PRKN: variants seen among roughly 807,000 people sequenced by gnomAD.
PRKN encodes the protein parkin RBR E3 ubiquitin protein ligase, also known as E3 ubiquitin-protein ligase parkin.
In PRKN, 56 loss-of-function variants were observed where a neutral mutation model predicts 59.5. The observed-to-expected ratio is 0.94, with a 90% CI of 0.76 to 1.18. The LOEUF (loss-of-function observed/expected upper bound fraction) is 1.18, where lower values mean the gene tolerates loss of function less well. PRKN is among the 50% of genes most tolerant of loss of function. The probability of loss-of-function intolerance (pLI) is 0.00; values close to 1 mark genes in which losing one functional copy is unlikely to be tolerated. For synonymous variants in PRKN, 250 were observed against 222.1 expected, an observed-to-expected ratio of 1.13 and a Z score of -1.12; for missense variants, 657 against 596.4, an observed-to-expected ratio of 1.10 and a Z score of -1.06.
intron 7 of PRKN, among the ~76,000 whole-genome samples, chr6:161,743,468 C>G (rs1408431042): frequency 1.3e-5 from 2 of 151,628 alleles, no homozygotes; most frequent in East Asian, 3.9e-4. Flanking sequence ...CCAGAATGGT[C>G]TCGATCTCCT....
At chr6:161,746,363 A>G (rs973267393) in intron 7 of PRKN, among the ~76,000 whole-genome samples, 1 of 151,984 alleles carries the variant, frequency 6.6e-6, no homozygotes, top group Non-Finnish European at 1.5e-5. Context: ...CCTGGGCTAA[A>G]GAGGCAAACT....
chr6:162,533,207 T>C (rs1267778985), intron 1 of PRKN, among the ~76,000 whole-genome samples: 1 of 152,218 alleles, frequency 6.6e-6, no homozygotes, highest in Admixed American at 6.5e-5. Context: ...GCTATTGTTC[T>C]CTGGGTGAAT....
At chr6:162,491,201 T>C (rs774528676) in intron 1 of PRKN, among the ~76,000 whole-genome samples, 2 of 142,118 alleles carry the variant, frequency 1.4e-5, no homozygotes, top group Non-Finnish European at 3.0e-5. Context: ...ACCCAGGAGA[T>C]GGAGGCTGCA....
At chr6:161,937,857 C>A (rs962912474) in intron 6 of PRKN, among the ~76,000 whole-genome samples, 6 of 152,154 alleles carry the variant, frequency 3.9e-5, no homozygotes, top group African/African-American at 1.2e-4. Flanking sequence ...GTACAAGAAT[C>A]TAGTAGACTC....
At chr6:162,132,008 GA>G (rs1479700261) in intron 4 of PRKN, among the ~76,000 whole-genome samples, 1 of 152,194 alleles carries the variant, frequency 6.6e-6, no homozygotes, top group Non-Finnish European at 1.5e-5. Context: ...ATCACTTACA[GA>G]TAACATGCCA....
At chr6:162,176,027 C>T (rs1490155729) in intron 4 of PRKN, among the ~76,000 whole-genome samples, 1 of 152,150 alleles carries the variant, frequency 6.6e-6, no homozygotes, top group Non-Finnish European at 1.5e-5. Context: ...TAGAAAAGAT[C>T]CTCTGGCAAT....
At position 161,457,787 on chromosome 6, in the gene PRKN, T is replaced by A. The variant is rs1490749422; in HGVS notation, c.1084-70910A>T. Among the ~76,000 whole-genome samples the A allele has an allele frequency of 5.3e-5, 8 of 152,236 alleles. No individual in the cohort carries two copies. The highest frequency in any genetic ancestry group is 1.0e-4 in the Non-Finnish European group (7 of 68,026). Reference sequence around the variant, plus strand: ...TCCTGTGTGTGTGTTACCACACTCTTAATATGAAAACATGTGTGATAAGAA... The same window carrying A: ...TCCTGTGTGTGTGTTACCACACTCTAAATATGAAAACATGTGTGATAAGAA... On this transcript the variant is annotated intron_variant, in intron 9 of 11. Transcript: ENST00000366898. The surrounding 1 kb of genome is among the most constrained non-coding windows in gnomAD (Gnocchi z 5.0).
At chr6:162,469,084 T>C (rs1186128434) in intron 1 of PRKN, among the ~76,000 whole-genome samples, 1 of 152,094 alleles carries the variant, frequency 6.6e-6, no homozygotes, top group African/African-American at 2.4e-5. Flanking sequence ...GGGATTTTAA[T>C]TTACAGTACT....
At chr6:162,557,267 C>T (rs1779646407) in intron 1 of PRKN, among the ~76,000 whole-genome samples, 2 of 152,186 alleles carry the variant, frequency 1.3e-5, no homozygotes, top group Admixed American at 1.3e-4. Context: ...TAATACACCA[C>T]CCCACAGTCA....
intron 5 of PRKN, among the ~76,000 whole-genome samples, chr6:161,996,455 T>C (rs1781847568): frequency 6.6e-6 from 1 of 152,038 alleles, no homozygotes; most frequent in Admixed American, 6.6e-5. Context: ...TTTTGGCTGA[T>C]TTGCCAAAAT....
intron 7 of PRKN, among the ~76,000 whole-genome samples, chr6:161,722,231 C>T (rs528478054): frequency 6.8e-5 from 10 of 147,798 alleles, no homozygotes; most frequent in Non-Finnish European, 1.5e-4. Context: ...AGCACAAATC[C>T]CCATAATGCC....
intron 1 of PRKN, among the ~76,000 whole-genome samples, chr6:162,484,882 TTCA>T (rs1792472687): frequency 6.6e-6 from 1 of 152,224 alleles, no homozygotes; most frequent in Non-Finnish European, 1.5e-5. Context: ...TTTTCTTCAG[TTCA>T]TCAATTTTAC....
chr6:161,784,658 C>T (rs1414968858), intron 7 of PRKN, among the ~76,000 whole-genome samples: 1 of 152,128 alleles, frequency 6.6e-6, no homozygotes, highest in African/African-American at 2.4e-5. Context: ...AAACCTGGGA[C>T]ATTGCTACAC....
chr6:162,590,346 T>A (rs1252281914), intron 1 of PRKN, among the ~76,000 whole-genome samples: 1 of 152,094 alleles, frequency 6.6e-6, no homozygotes, highest in East Asian at 1.9e-4. Flanking sequence ...GAGAGAAAAA[T>A]TTTAAATACC....
chr6:161,767,525 A>AC (rs1445176343), intron 7 of PRKN, among the ~76,000 whole-genome samples: 2 of 151,998 alleles, frequency 1.3e-5, no homozygotes, highest in Non-Finnish European at 2.9e-5. Context: ...TCAAAAAAAA[A>AC]AAAACAAAAA....
At chr6:161,773,216 T>G (rs556741882) in intron 7 of PRKN, among the ~76,000 whole-genome samples, 66 of 152,322 alleles carry the variant, frequency 4.3e-4, no homozygotes, top group African/African-American at 1.5e-3. Context: ...CTATAAGCAC[T>G]CTTGTGTATG....
At chr6:162,129,114 A>T (rs1410539463) in intron 4 of PRKN, among the ~76,000 whole-genome samples, 1 of 152,212 alleles carries the variant, frequency 6.6e-6, no homozygotes, top group East Asian at 1.9e-4. Context: ...ATGAATGTGA[A>T]ACCACAGGCT....
intron 2 of PRKN, among the ~76,000 whole-genome samples, chr6:162,400,859 T>C (rs1014587771): frequency 1.3e-5 from 2 of 152,212 alleles, no homozygotes; most frequent in East Asian, 3.8e-4. Context: ...GGAACTACTA[T>C]ATACATCATA....
At chr6:161,984,061 G>C (rs1055505786) in intron 5 of PRKN, among the ~76,000 whole-genome samples, 1 of 151,978 alleles carries the variant, frequency 6.6e-6, no homozygotes, top group African/African-American at 2.4e-5. Context: ...CCCAGCCCAG[G>C]GGTGAACAGG....
Sources: allele counts gnomAD v4.1 joint callset (sites outside exome capture counted in the v4.1 genomes callset), GRCh38; gene constraint gnomAD v4.1.1; non-coding constraint Gnocchi (gnomAD v3.1); transcripts MANE v1.5; gene names NCBI Gene and HGNC (gene_info 2026-07-23, HGNC 2026-07-21).